The following DAGLA variants were observed in gnomAD, a reference collection of about 807,000 sequenced individuals.
DAGLA encodes diacylglycerol lipase alpha.
DAGLA carries 22 observed loss-of-function variants against 102.6 expected under a neutral mutation model. That is an observed-to-expected ratio of 0.21 (90% CI 0.15 to 0.31). The LOEUF (loss-of-function observed/expected upper bound fraction) is 0.31, where lower values mean the gene tolerates loss of function less well. Among genes scored for constraint, DAGLA ranks in the 10% least tolerant of loss-of-function variants. The pLI is 1.00. For synonymous variants in DAGLA, 578 were observed against 628.9 expected (o/e 0.92, Z 1.21); for missense variants, 927 against 1,446.6 (o/e 0.64, Z 5.83).
In DAGLA at chr11:61,744,900, T is replaced by C. The variant is rs987291707; in HGVS notation, c.*411T>C. On this transcript the variant is annotated 3_prime_UTR_variant, in exon 20 of 20. Transcript: ENST00000257215. Reference sequence around the variant, plus strand: ...AGAGCAGTGCCCCCCGACACATGTATTCTCATCTGTGGTCCAGGCCGGCAT... The same window carrying C: ...AGAGCAGTGCCCCCCGACACATGTACTCTCATCTGTGGTCCAGGCCGGCAT... The C allele has an allele frequency of 5.4e-6, 1 of 183,616 alleles. No individual in the cohort carries two copies. The allele number at this position is 183,616 out of a possible 1,614,324, so 11.4% of individuals were successfully genotyped here. A position where few individuals can be genotyped will look rare whatever the true frequency, so the allele number is the denominator to read the frequency against.
chr11:61,727,876 C>T (rs2065342563), intron 6 of DAGLA, among the ~76,000 whole-genome samples: 1 of 152,224 alleles, frequency 6.6e-6, no homozygotes, highest in Non-Finnish European at 1.5e-5. Flanking sequence ...TTGGCGCCTG[C>T]TCTTGGTAGA....
intron 1 of DAGLA, among the ~76,000 whole-genome samples, chr11:61,690,999 C>T (rs669132): frequency 0.017 from 2,541 of 151,510 alleles, 91 homozygotes; most frequent in African/African-American, 0.059. Context: ...GCTCCTCTCA[C>T]CCCACACGCC....
chr11:61,726,618 G>C (rs138347434), intron 6 of DAGLA, among the ~76,000 whole-genome samples: 2 of 152,206 alleles, frequency 1.3e-5, no homozygotes, highest in African/African-American at 4.8e-5. Context: ...TCATCCAGGG[G>C]TGCCCCGCAG....
In DAGLA at chr11:61,684,049, A is replaced by G. The variant is rs1387202991; in HGVS notation, c.-45+3545A>G. On this transcript the variant is annotated intron_variant, in intron 1 of 19. Coordinates refer to ENST00000257215, the MANE Select transcript of DAGLA (RefSeq NM_006133.3). The surrounding 1 kb of genome is among the most constrained non-coding windows in gnomAD (Gnocchi z 4.5). ...TGTGCTTTAGGGGTGCCGGGGAGCC[A>G]GGCATCTGTGGCCAGAGGATGCTGG... Among the ~76,000 whole-genome samples the G allele has an allele frequency of 3.3e-5, 5 of 152,212 alleles. No individual in the cohort carries two copies. The East Asian group carries it at 5.8e-4, about 18-fold the overall frequency.
chr11:61,700,086 G>GGGCCTGGCA (rs965410691), intron 1 of DAGLA, among the ~76,000 whole-genome samples: 1 of 152,220 alleles, frequency 6.6e-6, no homozygotes, highest in African/African-American at 2.4e-5. Flanking sequence ...GGCAGTGCCT[G>GGGCCTGGCA]GGCCTGGCAT....
Position 61,684,387 on chromosome 11 carries a change from T to A in DAGLA, c.-45+3883T>A, listed in dbSNP as rs553216234. ...CCCCAGCGGATAGGGCTGAAAATGG[T>A]TTATTTTGATTTTCTTTTTTTGTTT... is the stretch of plus-strand genomic sequence containing the variant. On this transcript the variant is annotated intron_variant, in intron 1 of 19. Coordinates refer to ENST00000257215, the MANE Select transcript of DAGLA (RefSeq NM_006133.3). This position sits in a 1 kb window ranked among gnomAD's most constrained non-coding sequence, Gnocchi z 4.5. Among the ~76,000 whole-genome samples the A allele has an allele frequency of 4.6e-5, 7 of 151,876 alleles. No homozygotes were observed. The highest frequency in any genetic ancestry group is 1.7e-4 in the African/African-American group (7 of 41,306).
Position 61,737,337 on chromosome 11 carries a change from G to T in DAGLA, c.1514+13G>T, listed in dbSNP as rs576432330. 2 of 1,608,974 alleles carry T rather than the reference G, an allele frequency of 1.2e-6. No homozygotes were observed. The highest frequency in any genetic ancestry group is 4.5e-5 in the East Asian group (2 of 44,888). ...GGGGCCTGCTGAGGTGAGCCATCTG[G>T]GGCTTCAGAGTTGGCTGGGGCAGTT... On this transcript the variant is annotated intron_variant, in intron 14 of 19. Coordinates refer to ENST00000257215, the MANE Select transcript of DAGLA (RefSeq NM_006133.3).
intron 1 of DAGLA, among the ~76,000 whole-genome samples, chr11:61,701,465 C>T (rs992814024): frequency 6.6e-6 from 1 of 152,178 alleles, no homozygotes; most frequent in African/African-American, 2.4e-5. Flanking sequence ...CCTCTGGTCT[C>T]GTGGATTGTA....
Position 61,720,093 on chromosome 11 carries a change from G to T in DAGLA, c.-44-19G>T, listed in dbSNP as rs902781411. 8.9e-6 allele frequency: 14 copies of T among 1,565,142 alleles called. No homozygotes were observed. In the African/African-American group the frequency reaches 1.6e-4, roughly 18 times the overall value. ...CTTCACCTCCTCAGGCAGCTATAAG[G>T]TCCTCTGCTTTCTTTCAGGAGGTGA... On this transcript the variant is annotated intron_variant, in intron 1 of 19. Transcript: ENST00000257215.
At chr11:61,711,161 A>G (rs2065191843) in intron 1 of DAGLA, among the ~76,000 whole-genome samples, 1 of 152,112 alleles carries the variant, frequency 6.6e-6, no homozygotes, top group East Asian at 1.9e-4. Context: ...AAGGACGAAA[A>G]CCACAGACAC....
intron 19 of DAGLA, 106 bp from the exon 20 acceptor site, chr11:61,743,426 G>T (rs1460557445): frequency 2.2e-5 from 16 of 720,460 alleles, no homozygotes; most frequent in Non-Finnish European, 2.9e-5. Flanking sequence ...ACTGCTAAAT[G>T]AACTGTACCC....
intron 1 of DAGLA, among the ~76,000 whole-genome samples, chr11:61,697,317 G>A (rs1012712354): frequency 1.3e-5 from 2 of 152,206 alleles, no homozygotes; most frequent in Admixed American, 6.5e-5. Flanking sequence ...GAGCATAGAA[G>A]CCGGGCCAGG....
intron 6 of DAGLA, 53 bp downstream of exon 6, chr11:61,726,135 T>G: frequency 1.9e-6 from 3 of 1,550,868 alleles, no homozygotes; most frequent in Non-Finnish European, 2.7e-6. Context: ...GTCAGGTGAT[T>G]AAGGGGCTGT....
chr11:61,707,807 C>T (rs1286031041), intron 1 of DAGLA, among the ~76,000 whole-genome samples: 5 of 148,456 alleles, frequency 3.4e-5, no homozygotes, highest in African/African-American at 4.9e-5. Flanking sequence ...TGGGAGTGGG[C>T]GTGCCCGGCC....
Position 61,710,057 on chromosome 11 carries a change from C to G in DAGLA, c.-44-10055C>G, listed in dbSNP as rs569096052. Among the ~76,000 whole-genome samples the G allele has an allele frequency of 1.9e-4, 29 of 152,262 alleles. 2 individuals are homozygous for G. The South Asian group carries it at 5.8e-3, about 31-fold the overall frequency. On this transcript the variant is annotated intron_variant, in intron 1 of 19. Transcript: ENST00000257215. ...GGGCCCCAAGAGGGGAGGCATCAGG[C>G]TAGGTGTGCCCACTTAGCATATCAT...
intron 1 of DAGLA, among the ~76,000 whole-genome samples, chr11:61,703,280 C>T (rs2065123029): frequency 6.6e-6 from 1 of 152,236 alleles, no homozygotes; most frequent in Non-Finnish European, 1.5e-5. Flanking sequence ...ATGGTAAACA[C>T]ATTCACCAGA....
intron 1 of DAGLA, among the ~76,000 whole-genome samples, chr11:61,693,354 CTT>C (rs888547144): frequency 4.3e-5 from 6 of 139,918 alleles, no homozygotes; most frequent in Admixed American, 7.1e-5. Flanking sequence ...CTTTTTCTTT[CTT>C]TTTTTTTTTT....
chr11:61,731,407 G>A lies in DAGLA; in HGVS notation c.940G>A (p.Ala314Thr), dbSNP rs749507211. The change falls in exon 9 of 20, where the codon GCC becomes ACC. Residue 314 changes from alanine (A) to threonine (T), a missense_variant. Ala to Thr is a moderately conservative substitution (Grantham distance 58). This residue lies in a region of DAGLA where 44 missense variants were observed against 44.0 expected (regional missense o/e 1.00). Transcript: ENST00000257215. Reference sequence around the variant, plus strand: ...GCCCATGTACCTGATGCGGAAGCCCGCCTGCGGCCTCTGCCAACTGGCTCG... The same window carrying A: ...GCCCATGTACCTGATGCGGAAGCCCACCTGCGGCCTCTGCCAACTGGCTCG... ...GWPMYLMRKP[A>T]CGLCQLARSC... 1.2e-5 allele frequency: 20 copies of A among 1,613,936 alleles called. No homozygotes were observed. Among genetic ancestry groups the A allele is most frequent in the East Asian group, 4.5e-5 (2 of 44,878 alleles).
intron 1 of DAGLA, among the ~76,000 whole-genome samples, chr11:61,716,773 C>G (rs2135576510): frequency 6.6e-6 from 1 of 152,298 alleles, no homozygotes; most frequent in South Asian, 2.1e-4. Flanking sequence ...AAAGAGTTTG[C>G]ATTTTTAGAA....
Sources: gnomAD v4.1 joint callset for allele counts (sites outside exome capture counted in the v4.1 genomes callset) on GRCh38, gnomAD v4.1.1 for gene constraint, gnomAD v4.1.1 regional missense constraint, Gnocchi (gnomAD v3.1) non-coding constraint, MANE v1.5 for transcripts, NCBI Gene and HGNC (gene_info 2026-07-23, HGNC 2026-07-21) for gene names.